Variants in FER observed in about 807,000 individuals in gnomAD.
FER encodes FER tyrosine kinase, also known as tyrosine-protein kinase Fer.
In FER, 63 loss-of-function variants were observed where a neutral mutation model predicts 111.0. That is an observed-to-expected ratio of 0.57 (90% CI 0.46 to 0.70). The LOEUF is 0.70. Among genes scored for constraint, FER ranks in the 30% least tolerant of loss-of-function variants. FER has a pLI of 0.00. For synonymous variants in FER, 327 were observed against 313.9 expected (o/e 1.04, Z -0.44); for missense variants, 914 against 954.0 (o/e 0.96, Z 0.55).
At chr5:108,777,064 C>T (rs1753571846) in intron 2 of FER, among the ~76,000 whole-genome samples, 1 of 152,140 alleles carries the variant, frequency 6.6e-6, no homozygotes, top group African/African-American at 2.4e-5. Flanking sequence ...GTAATCCCAG[C>T]ACGTTGGGAG....
intron 17 of FER, among the ~76,000 whole-genome samples, chr5:109,156,595 C>T (rs1456610621): frequency 6.6e-6 from 1 of 151,382 alleles, no homozygotes; most frequent in Non-Finnish European, 1.5e-5. Flanking sequence ...CTAGAAAGAC[C>T]CTATAGACTG....
In FER at chr5:108,879,693, T is replaced by A. The variant is rs1765446465; in HGVS notation, c.924-3703T>A. Among the ~76,000 whole-genome samples, 3 of 116,668 alleles carry A rather than the reference T, an allele frequency of 2.6e-5. No homozygotes were observed. The East Asian group carries it at 6.2e-4, about 24-fold the overall frequency. 76.5% of individuals were successfully genotyped at this position (116,668 alleles called of 152,430 possible). On this transcript the variant is annotated intron_variant, in intron 8 of 19. Transcript: ENST00000281092. Reference sequence around the variant, plus strand: ...TTCACCATATGTATTTTTTTTAGATTAAAAAAAAATATATATATATATATA... The same window carrying A: ...TTCACCATATGTATTTTTTTTAGATAAAAAAAAAATATATATATATATATA...
At chr5:109,051,779 G>A (rs778355844) in intron 16 of FER, 2 of 1,586,760 alleles carry the variant, frequency 1.3e-6, no homozygotes, top group Non-Finnish European at 1.7e-6. Flanking sequence ...ACGTAGAAGA[G>A]TTCAATGATA....
At chr5:108,953,215 A>G (rs1757997327) in intron 11 of FER, among the ~76,000 whole-genome samples, 1 of 151,892 alleles carries the variant, frequency 6.6e-6, no homozygotes, top group South Asian at 2.1e-4. Flanking sequence ...GTTTGTTTTT[A>G]AAAGCAATAT....
intron 9 of FER, among the ~76,000 whole-genome samples, chr5:108,886,132 T>G (rs968921676): frequency 4.0e-5 from 6 of 151,808 alleles, no homozygotes; most frequent in Admixed American, 4.0e-4. Context: ...TGTCTGGCTA[T>G]AAGTTGTTGG....
intron 16 of FER, among the ~76,000 whole-genome samples, chr5:109,086,625 C>G (rs1027480677): frequency 4.0e-5 from 6 of 151,382 alleles, no homozygotes; most frequent in Non-Finnish European, 7.4e-5. Context: ...AATTTTCATT[C>G]CTATCCTTTT....
chr5:108,885,281 C>G (rs868059628), intron 9 of FER, among the ~76,000 whole-genome samples: 1 of 151,988 alleles, frequency 6.6e-6, no homozygotes, highest in African/African-American at 2.4e-5. Flanking sequence ...CAACCAAACT[C>G]AACCTAACCT....
intron 13 of FER, among the ~76,000 whole-genome samples, chr5:108,997,781 A>C (rs1581577239): frequency 6.6e-6 from 1 of 152,094 alleles, no homozygotes; most frequent in African/African-American, 2.4e-5. Flanking sequence ...GGTTTTATCT[A>C]TAAGTTCCTG....
In FER at chr5:109,049,426, A is replaced by G. The variant is rs558439624; in HGVS notation, c.1924+2228A>G. Among the ~76,000 whole-genome samples, 50 of 152,302 alleles carry G rather than the reference A, an allele frequency of 3.3e-4. No individual in the cohort carries two copies. In the South Asian group the frequency reaches 9.7e-3, roughly 30 times the overall value. On this transcript the variant is annotated intron_variant, in intron 16 of 19. Coordinates refer to ENST00000281092, the MANE Select transcript of FER (RefSeq NM_005246.4). ...TCTTTGCCTTCTGTCTGCCAGGGGC[A>G]TCTCTTAGCTCCTTGAGGTTGCCTG...
intron 14 of FER, among the ~76,000 whole-genome samples, chr5:109,038,855 T>A (rs1770762327): frequency 6.6e-6 from 1 of 152,038 alleles, no homozygotes; most frequent in Non-Finnish European, 1.5e-5. Context: ...TATTTTTAGT[T>A]AAAGAGAAAT....
chr5:109,096,630 C>T (rs2150056495), intron 16 of FER, among the ~76,000 whole-genome samples: 1 of 151,672 alleles, frequency 6.6e-6, no homozygotes, highest in Non-Finnish European at 1.5e-5. Flanking sequence ...TTTCACTCTT[C>T]AAGCATCTTT....
At chr5:108,971,055 A>G (rs1345851464) in intron 13 of FER, among the ~76,000 whole-genome samples, 1 of 152,158 alleles carries the variant, frequency 6.6e-6, no homozygotes, top group African/African-American at 2.4e-5. Context: ...TCCGATTTTT[A>G]ATTGTGGGAA....
At chr5:109,152,683 T>C (rs550786931) in intron 17 of FER, among the ~76,000 whole-genome samples, 1 of 152,084 alleles carries the variant, frequency 6.6e-6, no homozygotes, top group South Asian at 2.1e-4. Flanking sequence ...GGTGAAATTA[T>C]GTGTATATAC....
At chr5:108,993,610 A>AGAGGGCAAGGGC (rs1246427333) in intron 13 of FER, among the ~76,000 whole-genome samples, 1 of 107,540 alleles carries the variant, frequency 9.3e-6, no homozygotes. Context: ...AGGGCGAGGG[A>AGAGGGCAAGGGC]GAGGGCAAGG....
intron 13 of FER, among the ~76,000 whole-genome samples, chr5:108,995,462 T>A (rs1356716765): frequency 6.7e-6 from 1 of 149,876 alleles, no homozygotes; most frequent in Non-Finnish European, 1.5e-5. Flanking sequence ...TTCCCCTTCC[T>A]ATGTACATGT....
intron 14 of FER, among the ~76,000 whole-genome samples, chr5:109,042,955 T>C (rs1238119198): frequency 1.3e-5 from 2 of 152,166 alleles, no homozygotes; most frequent in Non-Finnish European, 2.9e-5. Flanking sequence ...ATCAAAGTTT[T>C]CTCTAGGAAA....
In FER at chr5:109,170,430, A is replaced by G. The variant is rs571181599; in HGVS notation, c.2049-10317A>G. Among the ~76,000 whole-genome samples, 4 of 152,306 alleles carry G rather than the reference A, an allele frequency of 2.6e-5. No homozygotes were observed. The East Asian group carries it at 7.7e-4, about 29-fold the overall frequency. On this transcript the variant is annotated intron_variant, in intron 17 of 19. Transcript: ENST00000281092. ...CAAAAGAACACTAAACACTGTGGAA[A>G]ACAAAGAACTAGAGCTTTGGAGCAA...
At chr5:108,857,535 G>A (rs1026629594) in intron 5 of FER, among the ~76,000 whole-genome samples, 1 of 152,020 alleles carries the variant, frequency 6.6e-6, no homozygotes, top group Non-Finnish European at 1.5e-5. Flanking sequence ...TAGGGAAAAC[G>A]TTGACGCTAT....
chr5:109,084,113 A>G (rs991961357), intron 16 of FER, among the ~76,000 whole-genome samples: 2 of 151,998 alleles, frequency 1.3e-5, no homozygotes, highest in African/African-American at 2.4e-5. Flanking sequence ...GGACATGACT[A>G]TTGAATCCTC....
Sources: gnomAD v4.1 joint callset for allele counts (sites outside exome capture counted in the v4.1 genomes callset) on GRCh38, gnomAD v4.1.1 for gene constraint, MANE v1.5 for transcripts, NCBI Gene and HGNC (gene_info 2026-07-23, HGNC 2026-07-21) for gene names.